Variants in ADAMTS16 observed in about 807,000 individuals in gnomAD.
The protein encoded by ADAMTS16 is ADAM metallopeptidase with thrombospondin type 1 motif 16.
ADAMTS16 carries 94 observed loss-of-function variants against 145.8 expected under a neutral mutation model. The ratio of observed to expected loss-of-function variants is 0.64; its 90% confidence interval spans 0.55 to 0.77. The LOEUF (loss-of-function observed/expected upper bound fraction) is 0.77, where lower values mean the gene tolerates loss of function less well. Ranked by LOEUF, ADAMTS16 falls within the 30% of genes least tolerant of loss-of-function variation. The pLI is 0.00. For synonymous variants in ADAMTS16, 659 were observed against 604.3 expected (o/e 1.09, Z -1.33); for missense variants, 1,585 against 1,591.5 (o/e 1.00, Z 0.07).
intron 21 of ADAMTS16, among the ~76,000 whole-genome samples, chr5:5,308,722 G>C (rs1288113402): frequency 6.6e-6 from 1 of 152,158 alleles, no homozygotes; most frequent in African/African-American, 2.4e-5. Context: ...GCCGAGGCAC[G>C]TGGATTACCT....
intron 3 of ADAMTS16, among the ~76,000 whole-genome samples, chr5:5,170,863 T>A (rs2126542033): frequency 6.6e-6 from 1 of 152,310 alleles, no homozygotes; most frequent in South Asian, 2.1e-4. Flanking sequence ...CTTTTTAACT[T>A]GCAGGGATCC....
chr5:5,304,977 A>ATCC (rs1739977625), intron 20 of ADAMTS16, among the ~76,000 whole-genome samples: 1 of 137,260 alleles, frequency 7.3e-6, no homozygotes, highest in African/African-American at 2.9e-5. Flanking sequence ...ACACACACAC[A>ATCC]CACATCCTAC....
intron 11 of ADAMTS16, 132 bp downstream of exon 11, chr5:5,223,016 C>T (rs1264562049): frequency 1.5e-6 from 1 of 658,216 alleles, no homozygotes; most frequent in Middle Eastern, 2.6e-4. Context: ...ATGCTCCTAT[C>T]AAACACTGTG....
intron 17 of ADAMTS16, among the ~76,000 whole-genome samples, chr5:5,261,470 T>C (rs970951815): frequency 1.3e-5 from 2 of 148,576 alleles, no homozygotes; most frequent in African/African-American, 5.0e-5. Flanking sequence ...TTCCTCAAAG[T>C]GTCTTTTAGT....
chr5:5,308,354 T>C (rs920157879), intron 21 of ADAMTS16, among the ~76,000 whole-genome samples: 3 of 152,238 alleles, frequency 2.0e-5, no homozygotes, highest in African/African-American at 7.2e-5. Context: ...TGCCCACCTC[T>C]TGCCACTGTC....
rs956069533 is a variant in ADAMTS16, at chr5:5,319,606, G to C, written c.*468G>C. ...CTAGGAGGGCCCCTCGAGCCATCAG[G>C]AGTGACCAACTTCCTGGGTGGAGGT... is the stretch of plus-strand genomic sequence containing the variant. On this transcript the variant is annotated 3_prime_UTR_variant, in exon 23 of 23. Coordinates refer to ENST00000274181, the MANE Select transcript of ADAMTS16 (RefSeq NM_139056.4). 4.5e-5 allele frequency: 15 copies of C among 331,180 alleles called. No individual in the cohort carries two copies. In the Admixed American group the frequency reaches 4.6e-4, roughly 10 times the overall value. The allele number at this position is 331,180 out of a possible 1,614,324, so 20.5% of individuals were successfully genotyped here.
chr5:5,171,840 G>A (rs980706935), intron 3 of ADAMTS16, among the ~76,000 whole-genome samples: 9 of 152,090 alleles, frequency 5.9e-5, no homozygotes, highest in Non-Finnish European at 1.3e-4. Flanking sequence ...AGTTTGAGTA[G>A]GAGTGTATTA....
chr5:5,262,931 G>A (rs1327076667), intron 18 of ADAMTS16, 148 bp downstream of exon 18: 1 of 1,178,148 alleles, frequency 8.5e-7, no homozygotes, highest in Non-Finnish European at 1.2e-6. Flanking sequence ...GAGCTGCCTG[G>A]ACAAGGGACC....
intron 18 of ADAMTS16, among the ~76,000 whole-genome samples, chr5:5,283,351 CTACA>C (rs1234343771): frequency 1.3e-5 from 2 of 152,146 alleles, no homozygotes; most frequent in African/African-American, 4.8e-5. Flanking sequence ...GGCTTTTCTC[CTACA>C]TAACTATTCT....
intron 21 of ADAMTS16, among the ~76,000 whole-genome samples, chr5:5,309,534 G>T (rs188691766): frequency 6.6e-6 from 1 of 152,072 alleles, no homozygotes; most frequent in Non-Finnish European, 1.5e-5. Flanking sequence ...AGCGGGTCCC[G>T]GCAGCTACTA....
At chr5:5,151,755 TCTA>T (rs1337043621) in intron 3 of ADAMTS16, among the ~76,000 whole-genome samples, 3 of 151,316 alleles carry the variant, frequency 2.0e-5, no homozygotes, top group Non-Finnish European at 4.4e-5. Context: ...GCACCTAAAA[TCTA>T]CTCTTTAATC....
intron 17 of ADAMTS16, among the ~76,000 whole-genome samples, chr5:5,254,282 T>C (rs1352532363): frequency 1.3e-5 from 2 of 152,198 alleles, no homozygotes; most frequent in African/African-American, 4.8e-5. Flanking sequence ...GCTTCCTAGA[T>C]ACATAATCAT....
At chr5:5,311,189 C>T (rs950905944) in intron 21 of ADAMTS16, among the ~76,000 whole-genome samples, 4 of 151,558 alleles carry the variant, frequency 2.6e-5, no homozygotes, top group Non-Finnish European at 5.9e-5. Context: ...ACTCTGCAGG[C>T]CTCTGGCATC....
chr5:5,217,295 G>A (rs550922142), intron 10 of ADAMTS16, among the ~76,000 whole-genome samples: 1 of 151,848 alleles, frequency 6.6e-6, no homozygotes, highest in Non-Finnish European at 1.5e-5. Context: ...GCATGGGCAA[G>A]GACTTCATGT....
chr5:5,200,027 G>T, intron 8 of ADAMTS16, 105 bp from the exon 9 acceptor site: 2 of 1,334,808 alleles, frequency 1.5e-6, no homozygotes, highest in Non-Finnish European at 2.0e-6. Context: ...AGCATATAGG[G>T]GTGAGGGAGT....
At chr5:5,232,326 T>A in intron 11 of ADAMTS16, 42 bp from the exon 12 acceptor site, 1 of 1,613,042 alleles carries the variant, frequency 6.2e-7, no homozygotes, top group Non-Finnish European at 8.5e-7. Context: ...CATCTATCCA[T>A]CTGTGTGAGT....
chr5:5,246,027 G>A (rs1319786543), intron 17 of ADAMTS16, among the ~76,000 whole-genome samples: 6 of 152,168 alleles, frequency 3.9e-5, no homozygotes, highest in African/African-American at 1.2e-4. Context: ...TTATCTTATT[G>A]TGTCTGTCTC....
chr5:5,155,337 C>T (rs1734574015), intron 3 of ADAMTS16, among the ~76,000 whole-genome samples: 3 of 152,164 alleles, frequency 2.0e-5, no homozygotes, highest in East Asian at 1.9e-4. Flanking sequence ...CTTCCTATCC[C>T]TATTTTATTT....
At chr5:5,212,199 G>T (rs13181339) in intron 10 of ADAMTS16, among the ~76,000 whole-genome samples, 24,594 of 97,462 alleles carry the variant, frequency 0.25, 2,604 homozygotes, top group South Asian at 0.34. Flanking sequence ...GGTTTTTTTT[G>T]TTTTGTTTTG....
Sources: allele counts gnomAD v4.1 joint callset (sites outside exome capture counted in the v4.1 genomes callset), GRCh38; gene constraint gnomAD v4.1.1; transcripts MANE v1.5; gene names NCBI Gene and HGNC (gene_info 2026-07-23, HGNC 2026-07-21).